Variants in GSE1 observed in about 807,000 individuals in gnomAD.
GSE1 encodes Gse1 coiled-coil protein, also known as genetic suppressor element 1.
GSE1 carries 32 observed loss-of-function variants against 112.6 expected under a neutral mutation model. That is an observed-to-expected ratio of 0.28 (90% CI 0.21 to 0.38). GSE1 has a LOEUF of 0.38. GSE1 is among the 10% of genes least tolerant of loss of function. GSE1 has a pLI of 1.00. For missense variants in GSE1, 2,348 were observed against 1,699.2 expected (o/e 1.38, Z -6.71); for synonymous variants, 1,115 against 735.6 (o/e 1.52, Z -8.35).
At chr16:85,551,550 G>C (rs1046524053), upstream of GSE1, among the ~76,000 whole-genome samples, 1 of 152,342 alleles carries the variant, frequency 6.6e-6, no homozygotes, top group East Asian at 1.9e-4. Flanking sequence ...ATGGAAGGCC[G>C]CCCGGGAGGC....
At chr16:85,189,316 G>C (rs1471401855) in intron 1 of GSE1, among the ~76,000 whole-genome samples, 1 of 152,082 alleles carries the variant, frequency 6.6e-6, no homozygotes, top group Non-Finnish European at 1.5e-5. Flanking sequence ...ATATGTGTAA[G>C]CCCTGTTTCT....
At chr16:85,643,558 G>C (rs1373909111) in intron 2 of GSE1, among the ~76,000 whole-genome samples, 1 of 152,188 alleles carries the variant, frequency 6.6e-6, no homozygotes, top group Non-Finnish European at 1.5e-5. Context: ...ACTCTGGAGT[G>C]GCAGCTGCCT....
intron 1 of GSE1, among the ~76,000 whole-genome samples, chr16:85,182,309 T>G (rs2143316212): frequency 6.6e-6 from 1 of 152,336 alleles, no homozygotes; most frequent in East Asian, 1.9e-4. Context: ...GCCTCTGGGT[T>G]CAGCCCTGTT....
intron 1 of GSE1, among the ~76,000 whole-genome samples, chr16:85,624,058 G>T (rs1022723591): frequency 2.6e-5 from 4 of 152,210 alleles, no homozygotes; most frequent in African/African-American, 9.6e-5. Context: ...ACTGGGGAGA[G>T]GAGAGGGGCC....
intron 1 of GSE1, among the ~76,000 whole-genome samples, chr16:85,341,142 C>T (rs1040102965): frequency 2.6e-5 from 4 of 152,176 alleles, no homozygotes; most frequent in South Asian, 2.1e-4. Flanking sequence ...GTCAATTCAT[C>T]ACTGCATGCA....
At chr16:85,238,241 G>T (rs1416781403) in intron 1 of GSE1, among the ~76,000 whole-genome samples, 3 of 152,158 alleles carry the variant, frequency 2.0e-5, no homozygotes, top group African/African-American at 7.2e-5. Flanking sequence ...GGGTGTGCCA[G>T]CCTGCCCTCA....
At chr16:85,482,657 G>A (rs1432757756) in intron 2 of GSE1, among the ~76,000 whole-genome samples, 1 of 152,180 alleles carries the variant, frequency 6.6e-6, no homozygotes, top group South Asian at 2.1e-4. Context: ...ACCCCCGTCT[G>A]CAAATCCAGC....
chr16:85,457,713 C>T (rs753992700), intron 2 of GSE1, among the ~76,000 whole-genome samples: 2 of 152,222 alleles, frequency 1.3e-5, no homozygotes, highest in South Asian at 2.1e-4. Flanking sequence ...CTCTGTCCTA[C>T]GGGCATCCAG....
rs142734489 is a variant in GSE1 at position 85,596,075 on chromosome 16, T to C, written c.37+39712T>C. ...CTCCGTCCACCCCTGAACCCATCTG[T>C]CCCTCAACCCATGCACTCATCCACT... On this transcript the variant is annotated intron_variant, in intron 1 of 2. Coordinates refer to the GSE1 transcript ENST00000635906. Among the ~76,000 whole-genome samples, 96 of 151,500 alleles carry C rather than the reference T, an allele frequency of 6.3e-4. 2 individuals are homozygous for C. In the East Asian group the frequency reaches 0.01, roughly 17 times the overall value.
At chr16:85,331,709 T>TATA (rs1567693601) in intron 1 of GSE1, among the ~76,000 whole-genome samples, 6 of 20,574 alleles carry the variant, frequency 2.9e-4, no homozygotes, top group African/African-American at 8.3e-4. Flanking sequence ...ATATATATAT[T>TATA]TTTTTTTTTT....
At chr16:85,318,083 G>A (rs530109255) in intron 1 of GSE1, among the ~76,000 whole-genome samples, 62 of 152,368 alleles carry the variant, frequency 4.1e-4, no homozygotes, top group African/African-American at 1.5e-3. Context: ...TCCCATGGTG[G>A]TGGGGCAGGG....
chr16:85,358,067 A>G (rs931948501), intron 2 of GSE1, among the ~76,000 whole-genome samples: 4 of 151,784 alleles, frequency 2.6e-5, no homozygotes, highest in Non-Finnish European at 5.9e-5. Context: ...GGCCACGGGG[A>G]ACCAGGCTGC....
rs935846813 is a variant in GSE1 at position 85,672,704 on chromosome 16, C to T, written c.*165C>T. The T allele has an allele frequency of 2.2e-6, 1 of 461,006 alleles. No homozygotes were observed. The highest frequency in any genetic ancestry group is 3.8e-6 in the Non-Finnish European group (1 of 265,500). The allele number at this position is 461,006 out of a possible 1,614,324, so 28.6% of individuals were successfully genotyped here. A position where few individuals can be genotyped will look rare whatever the true frequency, so the allele number is the denominator to read the frequency against. On this transcript the variant is annotated 3_prime_UTR_variant, in exon 16 of 16. Transcript: ENST00000253458. Reference sequence around the variant, plus strand: ...CTCCAGAAAAAATGAATGAACTCACCTTGACGTCAATGCAATTGAATCACC... The same window carrying T: ...CTCCAGAAAAAATGAATGAACTCACTTTGACGTCAATGCAATTGAATCACC...
intron 2 of GSE1, among the ~76,000 whole-genome samples, chr16:85,487,084 C>A (rs369564973): frequency 1.3e-4 from 20 of 152,052 alleles, no homozygotes; most frequent in African/African-American, 4.8e-4. Flanking sequence ...CCAGAAGCTT[C>A]CAGAGGCTGC....
chr16:85,304,765 C>A (rs8060622), intron 1 of GSE1, among the ~76,000 whole-genome samples: 95,520 of 152,016 alleles, frequency 0.63, 31,234 homozygotes, highest in East Asian at 0.82. Flanking sequence ...CTCGACTTCA[C>A]TGGGGATAAG....
chr16:85,210,944 T>A (rs544022426), intron 1 of GSE1, among the ~76,000 whole-genome samples: 1 of 152,344 alleles, frequency 6.6e-6, no homozygotes, highest in South Asian at 2.1e-4. Context: ...GGGCCTCGGG[T>A]TCCTTCTCTG....
At chr16:85,522,426 T>C (rs1344446022) in intron 2 of GSE1, among the ~76,000 whole-genome samples, 4 of 145,120 alleles carry the variant, frequency 2.8e-5, no homozygotes, top group Non-Finnish European at 6.0e-5. Context: ...CCAGGGTCAG[T>C]AGCACTCCCT....
chr16:85,217,010 G>A (rs2075315808), intron 1 of GSE1, among the ~76,000 whole-genome samples: 1 of 152,248 alleles, frequency 6.6e-6, no homozygotes, highest in Non-Finnish European at 1.5e-5. Flanking sequence ...GGGCGCTGTG[G>A]TTGACACAGG....
At chr16:85,408,679 C>T (rs1490634705) in intron 2 of GSE1, among the ~76,000 whole-genome samples, 2 of 58,652 alleles carry the variant, frequency 3.4e-5, no homozygotes, top group Non-Finnish European at 6.6e-5. Context: ...CTGTTACACT[C>T]AGGGCCCCCC....
Sources: allele counts gnomAD v4.1 joint callset (sites outside exome capture counted in the v4.1 genomes callset), GRCh38; gene constraint gnomAD v4.1.1; transcripts MANE v1.5; gene names NCBI Gene and HGNC (gene_info 2026-07-23, HGNC 2026-07-21).